Variants in DRC8 observed in about 807,000 individuals in gnomAD.
The protein encoded by DRC8 is dynein regulatory complex subunit 8.
At chr1:244,987,357 C>T in the DRC8 span, among the ~76,000 whole-genome samples, 1 of 152,120 alleles carries the variant, frequency 6.6e-6, no homozygotes, top group Middle Eastern at 3.4e-3. Flanking sequence ...TGCATCACCA[C>T]ACCTGGCTAA....
At chr1:244,971,686 A>G in the DRC8 span, among the ~76,000 whole-genome samples, 4 of 152,210 alleles carry the variant, frequency 2.6e-5, no homozygotes, top group African/African-American at 9.6e-5. Context: ...AAGTGTGGTC[A>G]GGTTAACAGC....
chr1:245,119,942 T>C, the DRC8 span, among the ~76,000 whole-genome samples: 1 of 49,018 alleles, frequency 2.0e-5, no homozygotes, highest in Non-Finnish European at 3.7e-5. Context: ...CAAAAAAAAA[T>C]AAAAAATAAG....
the DRC8 span, among the ~76,000 whole-genome samples, chr1:245,011,067 AAT>A: frequency 6.6e-6 from 1 of 152,130 alleles, no homozygotes; most frequent in Non-Finnish European, 1.5e-5. Flanking sequence ...GCATATACAT[AAT>A]GAGATATCTT....
chr1:245,085,740 A>C, the DRC8 span, among the ~76,000 whole-genome samples: 5 of 152,218 alleles, frequency 3.3e-5, no homozygotes, highest in Non-Finnish European at 5.9e-5. Context: ...TGTTAGATGC[A>C]TAAGAAAGAG....
chr1:244,997,035 C>T, the DRC8 span, among the ~76,000 whole-genome samples: 1 of 152,192 alleles, frequency 6.6e-6, no homozygotes, highest in South Asian at 2.1e-4. Flanking sequence ...AATGTAAATG[C>T]TGTATAAATA....
chr1:245,101,890 C>T, the DRC8 span, among the ~76,000 whole-genome samples: 1 of 152,146 alleles, frequency 6.6e-6, no homozygotes, highest in Non-Finnish European at 1.5e-5. Context: ...ATTCTAAAAG[C>T]TTCCTGGATA....
the DRC8 span, among the ~76,000 whole-genome samples, chr1:244,987,030 G>A: frequency 6.6e-6 from 1 of 152,276 alleles, no homozygotes; most frequent in Admixed American, 6.5e-5. Flanking sequence ...CCGTAGGGCT[G>A]TCTGTGTATG....
the DRC8 span, among the ~76,000 whole-genome samples, chr1:245,044,647 G>A: frequency 3.3e-5 from 5 of 151,848 alleles, no homozygotes; most frequent in African/African-American, 9.7e-5. Flanking sequence ...GCACCATCTC[G>A]GCTCTACCTC....
the DRC8 span, among the ~76,000 whole-genome samples, chr1:244,977,940 G>C: frequency 7.4e-4 from 113 of 152,230 alleles, 1 homozygote; most frequent in Non-Finnish European, 1.1e-3. Flanking sequence ...AAGGACACGT[G>C]GGGGAGCCCA....
chr1:245,081,624 A>G, the DRC8 span, among the ~76,000 whole-genome samples: 6 of 151,740 alleles, frequency 4.0e-5, no homozygotes, highest in African/African-American at 1.5e-4. Context: ...GTGCGCCACT[A>G]CGCCCATATA....
the DRC8 span, among the ~76,000 whole-genome samples, chr1:244,999,823 G>T: frequency 5.3e-5 from 8 of 151,978 alleles, no homozygotes; most frequent in African/African-American, 1.9e-4. Flanking sequence ...TGTTTTGTTT[G>T]TTTTTTGAGG....
At chr1:245,062,487 G>C in the DRC8 span, among the ~76,000 whole-genome samples, 173 of 152,298 alleles carry the variant, frequency 1.1e-3, 1 homozygote, top group African/African-American at 3.7e-3. Flanking sequence ...CAGGGTATGG[G>C]AGCTGGGAGG....
the DRC8 span, among the ~76,000 whole-genome samples, chr1:245,113,618 T>C: frequency 2.0e-5 from 3 of 152,138 alleles, no homozygotes; most frequent in Non-Finnish European, 4.4e-5. Context: ...CTTATGATCA[T>C]ACAATACGAA....
the DRC8 span, among the ~76,000 whole-genome samples, chr1:245,081,452 C>T: frequency 1.3e-5 from 2 of 151,816 alleles, no homozygotes; most frequent in Admixed American, 6.6e-5. Flanking sequence ...TGAGCCATCG[C>T]ACCCGGCAAT....
chr1:245,045,818 C>A, the DRC8 span, among the ~76,000 whole-genome samples: 1 of 152,160 alleles, frequency 6.6e-6, no homozygotes. Flanking sequence ...CCGGAGTGAA[C>A]AAAGATGCAA....
the DRC8 span, among the ~76,000 whole-genome samples, chr1:245,037,748 A>T: frequency 2.6e-5 from 4 of 152,168 alleles, no homozygotes; most frequent in Admixed American, 1.3e-4. Flanking sequence ...ACCTCAAGAA[A>T]ATAAATGGAA....
chr1:245,020,904 A>G, the DRC8 span, among the ~76,000 whole-genome samples: 2 of 151,832 alleles, frequency 1.3e-5, no homozygotes, highest in East Asian at 1.9e-4. Context: ...TGCTGGGATT[A>G]CAGGCGTGAG....
the DRC8 span, among the ~76,000 whole-genome samples, chr1:245,064,787 C>T: frequency 6.6e-6 from 1 of 152,076 alleles, no homozygotes; most frequent in Non-Finnish European, 1.5e-5. Flanking sequence ...TGAGATAGTG[C>T]AAATCCATTC....
chr1:245,073,621 CTA>C, the DRC8 span, among the ~76,000 whole-genome samples: 1 of 151,970 alleles, frequency 6.6e-6, no homozygotes, highest in Admixed American at 6.6e-5. Flanking sequence ...TAAAAAAAGA[CTA>C]ATGGCTTGAT....
Sources: gnomAD v4.1 joint callset for allele counts (sites outside exome capture counted in the v4.1 genomes callset) on GRCh38, gnomAD v4.1.1 for gene constraint, MANE v1.5 for transcripts, NCBI Gene and HGNC (gene_info 2026-07-23, HGNC 2026-07-21) for gene names.